Variants in OC90 observed in about 807,000 individuals in gnomAD.
OC90 encodes otoconin-90.
In OC90, 46 loss-of-function variants were observed where a neutral mutation model predicts 47.3. The ratio of observed to expected loss-of-function variants is 0.97; its 90% CI spans 0.77 to 1.24. The LOEUF (loss-of-function observed/expected upper bound fraction) is 1.24. OC90 is among the 50% of genes most tolerant of loss of function. The pLI, the probability that OC90 is intolerant of heterozygous loss-of-function variation, is 0.00. For synonymous variants in OC90, 271 were observed against 219.5 expected (o/e 1.23, Z -2.07); for missense variants, 688 against 583.9 (o/e 1.18, Z -1.84).
chr8:132,051,900 T>C (rs1244195672), intron 2 of OC90, among the ~76,000 whole-genome samples: 2 of 152,168 alleles, frequency 1.3e-5, no homozygotes, highest in Admixed American at 6.5e-5. Flanking sequence ...TTTTCAAAAA[T>C]TTTTTTTGAA....
Position 132,037,503 on chromosome 8 carries a change from T to G in OC90, c.629-15A>C. On this transcript the variant is annotated splice_polypyrimidine_tract_variant and intron_variant, in intron 8 of 13. Coordinates refer to ENST00000254627, the MANE Select transcript of OC90 (RefSeq NM_001080399.3). Reference sequence around the variant, plus strand: ...CACAGGAACCACTGGAAAAAGAGAGTTCCCAATAGCAGTGACTCATGCAAC... The same window carrying G: ...CACAGGAACCACTGGAAAAAGAGAGGTCCCAATAGCAGTGACTCATGCAAC... 2 of 1,569,720 alleles carry G rather than the reference T, an allele frequency of 1.3e-6. No individual in the cohort carries two copies. The highest frequency in any genetic ancestry group is 1.7e-6 in the Non-Finnish European group (2 of 1,156,276).
chr8:132,032,036 G>A lies in OC90; in HGVS notation c.876C>T (p.Thr292=), dbSNP rs1822884553. 3.7e-6 allele frequency: 6 copies of A among 1,613,838 alleles called. No homozygotes were observed. In the Middle Eastern group the frequency reaches 5.0e-4, roughly 133 times the overall value. Residue 292 remains threonine, a synonymous_variant, in exon 12 of 14, where the codon ACC becomes ACT. Coordinates refer to ENST00000254627, the MANE Select transcript of OC90 (RefSeq NM_001080399.3). ...ETTEKACDRF[T]FLHLGSGDNM... ...TGTCCCCACTTCCCAGGTGCAGGAAGGTGAATCTGTCACAGGCTGAAAGGA... is the reference window on the plus strand; with the variant it reads ...TGTCCCCACTTCCCAGGTGCAGGAAAGTGAATCTGTCACAGGCTGAAAGGA...
At chr8:132,052,858 C>T (rs1249531675) in intron 2 of OC90, among the ~76,000 whole-genome samples, 1 of 152,190 alleles carries the variant, frequency 6.6e-6, no homozygotes, top group African/African-American at 2.4e-5. Flanking sequence ...CTGTCATTAC[C>T]ATCTTATAGA....
In OC90 at chr8:132,027,774, G is replaced by A. The variant is rs577746162; in HGVS notation, c.1138+1299C>T. Among the ~76,000 whole-genome samples the A allele has an allele frequency of 5.3e-5, 8 of 152,194 alleles. No individual in the cohort carries two copies. In the South Asian group the frequency reaches 8.3e-4, roughly 16 times the overall value. ...TAGAGAGGAGTGGAGCTGCAGGCAC[G>A]CCTTGCTCTTCAGCCAGGGCCAGTC... is the stretch of plus-strand genomic sequence containing the variant. On this transcript the variant is annotated intron_variant, in intron 13 of 13. Transcript: ENST00000254627.
intron 1 of OC90, among the ~76,000 whole-genome samples, chr8:132,056,651 G>A (rs955931417): frequency 6.6e-6 from 1 of 152,130 alleles, no homozygotes; most frequent in African/African-American, 2.4e-5. Flanking sequence ...AGTTCTGAAT[G>A]ATTCCTTCTC....
At chr8:132,035,164 G>A (rs1822939373) in intron 9 of OC90, among the ~76,000 whole-genome samples, 1 of 152,240 alleles carries the variant, frequency 6.6e-6, no homozygotes, top group Non-Finnish European at 1.5e-5. Context: ...TGGAACAGAG[G>A]AGCATTGCAG....
intron 2 of OC90, among the ~76,000 whole-genome samples, chr8:132,050,729 C>A (rs150308788): frequency 2.6e-5 from 4 of 152,232 alleles, no homozygotes; most frequent in African/African-American, 7.2e-5. Context: ...AGGCCGGGCG[C>A]GGTGCCCACA....
intron 2 of OC90, among the ~76,000 whole-genome samples, chr8:132,047,884 T>C (rs1318024293): frequency 2.0e-5 from 3 of 152,318 alleles, no homozygotes; most frequent in South Asian, 2.1e-4. Context: ...TCTTCGTACT[T>C]AAACCTCAAG....
intron 7 of OC90, 55 bp downstream of exon 7, chr8:132,038,940 C>T: frequency 1.2e-6 from 2 of 1,613,254 alleles, no homozygotes; most frequent in South Asian, 1.1e-5. Flanking sequence ...TGATCCCAAA[C>T]CAGCTGCTGT....
intron 12 of OC90, 65 bp from the exon 13 acceptor site, chr8:132,029,244 C>T: frequency 2.4e-6 from 3 of 1,236,918 alleles, no homozygotes; most frequent in Middle Eastern, 1.9e-4. Flanking sequence ...CCCTCAAGCA[C>T]AGCCTGCTTC....
At chr8:132,045,950 C>T in intron 2 of OC90, 67 bp from the exon 3 acceptor site, 2 of 871,162 alleles carry the variant, frequency 2.3e-6, no homozygotes, top group South Asian at 1.5e-5. Flanking sequence ...TGGACTAAGG[C>T]CAGAAGGCGA....
chr8:132,029,148 G>T lies in OC90; in HGVS notation c.1063C>A (p.Gln355Lys). The T allele has an allele frequency of 6.2e-7, 1 of 1,613,762 alleles. No individual in the cohort carries two copies. The highest frequency in any genetic ancestry group is 8.5e-7 in the Non-Finnish European group (1 of 1,179,744). The change falls in exon 13 of 14, where the codon CAA (glutamine) becomes AAA (lysine). Residue 355 changes from glutamine (Q) to lysine (K), a missense_variant. Transcript: ENST00000254627. ...CCLSHHCCLE[Q>K]VRRLGCLLER... is the part of the protein sequence containing the mutation. ...AGCAGGCAGCCCAGCCTTCTCACTT[G>T]CTCTAGGCAGCAGTGATGGGACAAG...
intron 13 of OC90, among the ~76,000 whole-genome samples, chr8:132,028,559 AAAGAAAGGAAGGAAGG>A (rs1457641142): frequency 4.8e-3 from 59 of 12,166 alleles, no homozygotes; most frequent in Non-Finnish European, 8.2e-3. Context: ...AGAAAGAAAG[AAAGAAAGGAAGGAAGG>A]AAGGAAGGAA....
chr8:132,035,477 T>C (rs1822944197), intron 9 of OC90, among the ~76,000 whole-genome samples: 1 of 152,194 alleles, frequency 6.6e-6, no homozygotes, highest in Non-Finnish European at 1.5e-5. Flanking sequence ...TGGTTGAAGT[T>C]GGTATGCTTA....
chr8:132,056,464 A>C (rs1586718123), intron 1 of OC90, among the ~76,000 whole-genome samples: 1 of 152,202 alleles, frequency 6.6e-6, no homozygotes, highest in South Asian at 2.1e-4. Context: ...GAATTTTTTT[A>C]AAAAGGGTAG....
chr8:132,032,477 C>T (rs1822890730), intron 11 of OC90, among the ~76,000 whole-genome samples: 1 of 152,078 alleles, frequency 6.6e-6, no homozygotes, highest in African/African-American at 2.4e-5. Context: ...TCTCCGTCTC[C>T]CCACTCCCCT....
At chr8:132,031,633 A>T (rs1822876117) in intron 12 of OC90, among the ~76,000 whole-genome samples, 1 of 152,194 alleles carries the variant, frequency 6.6e-6, no homozygotes, top group South Asian at 2.1e-4. Flanking sequence ...AGATCAAAAG[A>T]TGTGGATCTT....
intron 10 of OC90, 82 bp from the exon 11 acceptor site, chr8:132,033,246 CAA>C (rs1438519382): frequency 7.3e-7 from 1 of 1,374,858 alleles, no homozygotes; most frequent in East Asian, 2.4e-5. Flanking sequence ...AAGCCAAATG[CAA>C]ACAGATAGAA....
chr8:132,033,489 G>A (rs1157326295), intron 10 of OC90, among the ~76,000 whole-genome samples: 1 of 152,166 alleles, frequency 6.6e-6, no homozygotes, highest in Non-Finnish European at 1.5e-5. Flanking sequence ...GCATTATGGC[G>A]CTCACAGCAA....
Sources: gnomAD v4.1 joint callset for allele counts (sites outside exome capture counted in the v4.1 genomes callset) on GRCh38, gnomAD v4.1.1 for gene constraint, MANE v1.5 for transcripts, NCBI Gene and HGNC (gene_info 2026-07-23, HGNC 2026-07-21) for gene names.